PARD3B: variants seen among roughly 807,000 people sequenced by gnomAD.
PARD3B encodes par-3 family cell polarity regulator beta.
A neutral mutation model predicts 130.2 loss-of-function variants in PARD3B; 103 were observed. The ratio of observed to expected loss-of-function variants is 0.79; its 90% confidence interval spans 0.67 to 0.93. PARD3B has a LOEUF of 0.93. Ranked by LOEUF, PARD3B falls within the 40% of genes least tolerant of loss-of-function variation. PARD3B has a pLI of 0.00. For missense variants in PARD3B, 1,609 were observed against 1,499.2 expected, an observed-to-expected ratio of 1.07 and a Z score of -1.21; for synonymous variants, 583 against 553.2, an observed-to-expected ratio of 1.05 and a Z score of -0.76.
At chr2:205,010,768 A>G (rs1011627881) in intron 3 of PARD3B, among the ~76,000 whole-genome samples, 2 of 151,952 alleles carry the variant, frequency 1.3e-5, no homozygotes, top group African/African-American at 4.8e-5. Context: ...AGCATCCTCT[A>G]TTTATCCCTA....
intron 22 of PARD3B, among the ~76,000 whole-genome samples, chr2:205,612,526 A>C (rs2055271500): frequency 6.6e-6 from 1 of 152,180 alleles, no homozygotes. Flanking sequence ...AGTCTGTAGG[A>C]AATTCTGTTA....
intron 22 of PARD3B, among the ~76,000 whole-genome samples, chr2:205,593,579 C>T (rs2054466758): frequency 6.6e-6 from 1 of 152,192 alleles, no homozygotes; most frequent in Admixed American, 6.5e-5. Flanking sequence ...CTAGTTCACA[C>T]CTCATCAAAT....
At chr2:205,355,732 G>A (rs1225643437) in intron 18 of PARD3B, among the ~76,000 whole-genome samples, 4 of 152,186 alleles carry the variant, frequency 2.6e-5, no homozygotes, top group Non-Finnish European at 5.9e-5. Context: ...ATTTATAAAG[G>A]AAAGAGGTTT....
rs2042745766 is a variant in PARD3B, at chr2:205,321,366, A to G, written c.2630+19665A>G. On this transcript the variant is annotated intron_variant, in intron 18 of 22. Transcript: ENST00000406610. This position sits in a 1 kb window ranked among gnomAD's most constrained non-coding sequence, Gnocchi z 4.2. ...AGACTTACAGTAAAAGCTACAAAAA[A>G]TAGCACAAAGAATTTCCTTATACCT... Among the ~76,000 whole-genome samples, 1 of 152,146 alleles carries G rather than the reference A, an allele frequency of 6.6e-6. No homozygotes were observed. The highest frequency in any genetic ancestry group is 6.5e-5 in the Admixed American group (1 of 15,278).
intron 16 of PARD3B, among the ~76,000 whole-genome samples, chr2:205,271,635 C>T (rs912555329): frequency 1.1e-4 from 17 of 152,156 alleles, no homozygotes; most frequent in African/African-American, 3.9e-4. Context: ...TGTGAATCTT[C>T]ATTTTGATAC....
chr2:205,034,388 G>A (rs1042955906), intron 3 of PARD3B, among the ~76,000 whole-genome samples: 4 of 152,084 alleles, frequency 2.6e-5, no homozygotes, highest in African/African-American at 4.8e-5. Flanking sequence ...TTAAATGTCC[G>A]TATTTATTTA....
At chr2:204,698,149 C>A (rs2037705722) in intron 2 of PARD3B, among the ~76,000 whole-genome samples, 1 of 152,036 alleles carries the variant, frequency 6.6e-6, no homozygotes, top group Admixed American at 6.6e-5. Context: ...TACATTTACG[C>A]CTGTTTCCAT....
At chr2:205,420,781 G>A (rs542534815) in intron 19 of PARD3B, among the ~76,000 whole-genome samples, 7 of 152,156 alleles carry the variant, frequency 4.6e-5, no homozygotes, top group Admixed American at 2.0e-4. Context: ...TTTGCAAGCA[G>A]GTCACCGTAA....
In PARD3B at chr2:204,820,701, G is replaced by A. The variant is rs2043318315; in HGVS notation, c.222+134419G>A. 1.3e-5 allele frequency among the ~76,000 whole-genome samples: 2 copies of A among 152,136 alleles called. 1 individual carries two copies. The highest frequency in any genetic ancestry group is 6.8e-3 in the Middle Eastern group (2 of 294). On this transcript the variant is annotated intron_variant, in intron 2 of 22. Coordinates refer to ENST00000406610, the MANE Select transcript of PARD3B (RefSeq NM_001302769.2). ...GTGGTGGTGGGTGCCTATAATCCAA[G>A]CTACTTGGGAGGCTGAGGCAGGAGA...
intron 1 of PARD3B, among the ~76,000 whole-genome samples, chr2:204,588,507 T>G (rs978605692): frequency 6.6e-6 from 1 of 152,172 alleles, no homozygotes; most frequent in Non-Finnish European, 1.5e-5. Context: ...ATATTTCCAT[T>G]GGGCTTTTGG....
chr2:205,206,079 G>C (rs758449544), intron 15 of PARD3B, among the ~76,000 whole-genome samples: 1 of 151,828 alleles, frequency 6.6e-6, no homozygotes, highest in Admixed American at 6.6e-5. Flanking sequence ...CTGGTCCTGG[G>C]CTTTTTTTTG....
At chr2:205,410,624 A>C (rs375120376) in intron 19 of PARD3B, among the ~76,000 whole-genome samples, 16 of 152,286 alleles carry the variant, frequency 1.1e-4, no homozygotes, top group African/African-American at 3.8e-4. Context: ...TATTTTCTGT[A>C]GGCCGGTTTG....
chr2:205,122,039 C>T lies in PARD3B; in HGVS notation c.1165+90C>T, dbSNP rs1294752981. The T allele has an allele frequency of 1.8e-6, 2 of 1,106,816 alleles. No individual in the cohort carries two copies. Among genetic ancestry groups the T allele is most frequent in the Non-Finnish European group, 2.5e-6 (2 of 787,338 alleles). The allele number at this position is 1,106,816 out of a possible 1,614,324, so 68.6% of individuals were successfully genotyped here. A position where few individuals can be genotyped will look rare whatever the true frequency, so the allele number is the denominator to read the frequency against. On this transcript the variant is annotated intron_variant, in intron 8 of 22. Coordinates refer to ENST00000406610, the MANE Select transcript of PARD3B (RefSeq NM_001302769.2). The surrounding 1 kb of genome is among the most constrained non-coding windows in gnomAD (Gnocchi z 4.3). Reference sequence around the variant, plus strand: ...TGCATTAAGGCTAATTTAGTTAATTCTCCCTTCATTTAATTGTATCAAAGA... The same window carrying T: ...TGCATTAAGGCTAATTTAGTTAATTTTCCCTTCATTTAATTGTATCAAAGA...
chr2:204,770,719 T>A (rs933622869), intron 2 of PARD3B, among the ~76,000 whole-genome samples: 1 of 152,016 alleles, frequency 6.6e-6, no homozygotes, highest in African/African-American at 2.4e-5. Flanking sequence ...CCACTACTCA[T>A]ACCTACTGAC....
chr2:204,988,646 A>G (rs1693386165), intron 3 of PARD3B, among the ~76,000 whole-genome samples: 1 of 152,248 alleles, frequency 6.6e-6, no homozygotes, highest in Non-Finnish European at 1.5e-5. Context: ...AAAAATAAAA[A>G]TAAATGAATT....
chr2:204,548,239 A>G (rs911301183), intron 1 of PARD3B, among the ~76,000 whole-genome samples: 2 of 152,216 alleles, frequency 1.3e-5, no homozygotes, highest in African/African-American at 2.4e-5. Context: ...AAGGCCAGAA[A>G]TGTCAAAATT....
chr2:205,567,480 A>AGTTTTTTT (rs2053394852), intron 22 of PARD3B, among the ~76,000 whole-genome samples: 1 of 9,796 alleles, frequency 1.0e-4, no homozygotes. Flanking sequence ...ATGCCCGGTT[A>AGTTTTTTT]ATTTTTTTTT....
intron 18 of PARD3B, among the ~76,000 whole-genome samples, chr2:205,357,367 T>A (rs1431482298): frequency 6.6e-6 from 1 of 152,214 alleles, no homozygotes; most frequent in African/African-American, 2.4e-5. Flanking sequence ...ACTTCCTGAG[T>A]TGAATTATAT....
At chr2:204,645,833 T>G (rs1399023241) in intron 1 of PARD3B, among the ~76,000 whole-genome samples, 2 of 152,304 alleles carry the variant, frequency 1.3e-5, no homozygotes, top group South Asian at 2.1e-4. Context: ...CCTTTGCTTT[T>G]TTGACATGGA....
Sources: gnomAD v4.1 joint callset for allele counts (sites outside exome capture counted in the v4.1 genomes callset) on GRCh38, gnomAD v4.1.1 for gene constraint, Gnocchi (gnomAD v3.1) non-coding constraint, MANE v1.5 for transcripts, NCBI Gene and HGNC (gene_info 2026-07-23, HGNC 2026-07-21) for gene names.